Variants in RAB18 observed in about 807,000 individuals in gnomAD.
The protein encoded by RAB18 is RAB18, member RAS oncogene family, also known as ras-related protein Rab-18.
RAB18 carries 10 observed loss-of-function variants against 28.5 expected under a neutral mutation model. The ratio of observed to expected loss-of-function variants is 0.35; its 90% CI spans 0.22 to 0.60. The LOEUF is 0.60. RAB18 is among the 20% of genes least tolerant of loss of function. RAB18 has a pLI of 0.78. For synonymous variants in RAB18, 93 were observed against 86.9 expected, an observed-to-expected ratio of 1.07 and a Z score of -0.39; for missense variants, 188 against 244.2, an observed-to-expected ratio of 0.77 and a Z score of 1.53.
At chr10:27,507,546 CTT>C (rs11459156) in intron 1 of RAB18, among the ~76,000 whole-genome samples, 47 of 136,316 alleles carry the variant, frequency 3.4e-4, no homozygotes, top group South Asian at 4.8e-4. Flanking sequence ...CTTGCCTTCC[CTT>C]TTTTTTTTTT....
chr10:27,510,995 A>T (rs1235895279), intron 2 of RAB18, among the ~76,000 whole-genome samples: 1 of 152,174 alleles, frequency 6.6e-6, no homozygotes, highest in East Asian at 1.9e-4. Context: ...AAAAAATGAG[A>T]GTAGATTGTA....
intron 1 of RAB18, 149 bp downstream of exon 1, chr10:27,504,586 T>C: frequency 1.1e-6 from 1 of 937,834 alleles, no homozygotes; most frequent in South Asian, 1.4e-5. Context: ...TGGGCCGCGC[T>C]CTCCCGCGAC....
At position 27,539,893 on chromosome 10, in the gene RAB18, A is replaced by G. The variant is rs758153438; in HGVS notation, c.*1842A>G. On this transcript the variant is annotated 3_prime_UTR_variant, in exon 7 of 7. Transcript: ENST00000356940. ...TCTCATCAGCTGAAGAATATGTACT[A>G]TTGTGTTACTCAAATTATGTGGCTT... is the stretch of plus-strand genomic sequence containing the variant. 7.9e-5 allele frequency: 36 copies of G among 453,498 alleles called. No homozygotes were observed. The highest frequency in any genetic ancestry group is 1.4e-4 in the East Asian group (2 of 14,414). The allele number at this position is 453,498 out of a possible 1,614,324, so 28.1% of individuals were successfully genotyped here.
intron 3 of RAB18, chr10:27,528,372 G>A (rs567332316): frequency 1.3e-5 from 6 of 469,220 alleles, no homozygotes; most frequent in African/African-American, 3.9e-5. Context: ...AGGGATAATT[G>A]AGACAATAAG....
At chr10:27,510,078 T>C in intron 2 of RAB18, 148 bp downstream of exon 2, 1 of 690,298 alleles carries the variant, frequency 1.4e-6, no homozygotes, top group Non-Finnish European at 2.6e-6. Flanking sequence ...TTAATTTTGG[T>C]ATCATTAAAT....
intron 2 of RAB18, among the ~76,000 whole-genome samples, chr10:27,515,083 A>G (rs954634441): frequency 6.6e-6 from 1 of 152,036 alleles, no homozygotes; most frequent in Non-Finnish European, 1.5e-5. Flanking sequence ...TATCTCGACC[A>G]GTTTTTTTGT....
At chr10:27,537,502 ATTTC>A (rs1273623946) in intron 6 of RAB18, among the ~76,000 whole-genome samples, 2 of 152,166 alleles carry the variant, frequency 1.3e-5, no homozygotes, top group Non-Finnish European at 2.9e-5. Flanking sequence ...ACTTGTATGA[ATTTC>A]TTTATTTTAA....
At chr10:27,522,975 TTTG>T (rs1344232429) in intron 2 of RAB18, among the ~76,000 whole-genome samples, 3 of 152,046 alleles carry the variant, frequency 2.0e-5, no homozygotes, top group Non-Finnish European at 2.9e-5. Context: ...TTCATTGATT[TTTG>T]TTGTTGTTTT....
chr10:27,525,613 C>CTA lies in RAB18; in HGVS notation c.125-1213_125-1212dup, dbSNP rs1313225975. ...ATTTTATATTTAGGTTTTTGTTGGG[C>CTA]TATGTAATCAACACTGTCCTTTTAC... On this transcript the variant is annotated intron_variant, in intron 2 of 6. Transcript: ENST00000356940. 2.2e-4 allele frequency among the ~76,000 whole-genome samples: 34 copies of CTA among 152,176 alleles called. 1 individual carries two copies. Among genetic ancestry groups the CTA allele is most frequent in the Middle Eastern group, 6.8e-3 (2 of 294 alleles).
intron 2 of RAB18, among the ~76,000 whole-genome samples, chr10:27,519,697 T>C (rs1039806523): frequency 6.6e-6 from 1 of 152,130 alleles, no homozygotes; most frequent in Non-Finnish European, 1.5e-5. Context: ...TGGAAAGATA[T>C]AACTTTTTCA....
rs1835008697 is a variant in RAB18, at chr10:27,540,783, A to G, written c.*2732A>G. On this transcript the variant is annotated 3_prime_UTR_variant, in exon 7 of 7. Transcript: ENST00000356940. ...ATTTGATTGCCATCCATAAACTCAT[A>G]CTTGGTGTTGACATTCTAGCTGAGT... The G allele has an allele frequency of 2.2e-6, 1 of 454,002 alleles. No individual in the cohort carries two copies. The highest frequency in any genetic ancestry group is 1.6e-5 in the South Asian group (1 of 64,484). 28.1% of individuals were successfully genotyped at this position (454,002 alleles called of 1,614,324 possible). A position where few individuals can be genotyped will look rare whatever the true frequency, so the allele number is the denominator to read the frequency against.
rs890088961 is a variant in RAB18, at chr10:27,522,811, A to G, written c.125-4017A>G. On this transcript the variant is annotated intron_variant, in intron 2 of 6. Transcript: ENST00000356940. ...CAAATTTATTGGCATAAACTTGTTCATAACATTCTGTCATTCCTTTAACTT... is the reference window on the plus strand; with the variant it reads ...CAAATTTATTGGCATAAACTTGTTCGTAACATTCTGTCATTCCTTTAACTT... Among the ~76,000 whole-genome samples the G allele has an allele frequency of 2.0e-5, 3 of 152,216 alleles. No individual in the cohort carries two copies. The East Asian group carries it at 5.8e-4, about 29-fold the overall frequency.
chr10:27,515,817 C>A (rs1191531395), intron 2 of RAB18, among the ~76,000 whole-genome samples: 1 of 152,112 alleles, frequency 6.6e-6, no homozygotes, highest in Non-Finnish European at 1.5e-5. Flanking sequence ...CCTGTTGAAT[C>A]AATCTGATCC....
intron 3 of RAB18, chr10:27,528,246 A>G: frequency 2.2e-6 from 1 of 452,544 alleles, no homozygotes; most frequent in South Asian, 1.6e-5. Context: ...GTTCCTGCCT[A>G]ATAAAAAGGC....
intron 2 of RAB18, among the ~76,000 whole-genome samples, chr10:27,519,102 A>G (rs1432187125): frequency 6.6e-6 from 1 of 152,068 alleles, no homozygotes; most frequent in Admixed American, 6.5e-5. Flanking sequence ...ATAAACCAAC[A>G]AAACGAAGTG....
At chr10:27,524,141 G>T (rs1481337484) in intron 2 of RAB18, among the ~76,000 whole-genome samples, 1 of 152,152 alleles carries the variant, frequency 6.6e-6, no homozygotes, top group African/African-American at 2.4e-5. Flanking sequence ...TTTTGCTGGG[G>T]CTGGTCTTAA....
chr10:27,514,155 C>T (rs1259493181), intron 2 of RAB18: 1 of 152,128 alleles, frequency 6.6e-6, no homozygotes, highest in Non-Finnish European at 1.5e-5. Context: ...ACAACCAGCA[C>T]TTCTTCAGAG....
chr10:27,540,380 A>G lies in RAB18; in HGVS notation c.*2329A>G, dbSNP rs1436792600. 3.3e-5 allele frequency: 15 copies of G among 453,984 alleles called. No homozygotes were observed. Among genetic ancestry groups the G allele is most frequent in the Admixed American group, 2.1e-4 (9 of 42,552 alleles). The allele number at this position is 453,984 out of a possible 1,614,324, so 28.1% of individuals were successfully genotyped here. ...TCCAGTCATGGCATTTTTACTTCTG[A>G]GCCCATACTCTTCACCATCGCTCAT... On this transcript the variant is annotated 3_prime_UTR_variant, in exon 7 of 7. Coordinates refer to ENST00000356940, the MANE Select transcript of RAB18 (RefSeq NM_021252.5).
At position 27,541,649 on chromosome 10, in the gene RAB18, C is replaced by G. The variant is rs113209330; in HGVS notation, c.*3598C>G. On this transcript the variant is annotated 3_prime_UTR_variant, in exon 7 of 7. Transcript: ENST00000356940. ...GTTATTTCTTGCTTTTTTTTTTTTT[C>G]CTCTTTTTTAACCGGAGAAGCAACA... 2.3e-6 allele frequency: 1 copy of G among 428,704 alleles called. No homozygotes were observed. Among genetic ancestry groups the G allele is most frequent in the East Asian group, 7.3e-5 (1 of 13,628 alleles). 26.6% of individuals were successfully genotyped at this position (428,704 alleles called of 1,614,324 possible). A position where few individuals can be genotyped will look rare whatever the true frequency, so the allele number is the denominator to read the frequency against.
Sources: gnomAD v4.1 joint callset for allele counts (sites outside exome capture counted in the v4.1 genomes callset) on GRCh38, gnomAD v4.1.1 for gene constraint, MANE v1.5 for transcripts, NCBI Gene and HGNC (gene_info 2026-07-23, HGNC 2026-07-21) for gene names.